The following ADD1 variants were observed in gnomAD, a reference collection of about 807,000 sequenced individuals.
The protein encoded by ADD1 is alpha-adducin.
Under a neutral mutation model 80.5 loss-of-function variants are expected in ADD1, and 24 were observed. The observed-to-expected ratio is 0.30, with a 90% CI of 0.22 to 0.42. ADD1 has a LOEUF of 0.42. ADD1 is among the 10% of genes least tolerant of loss of function. The pLI is 1.00. For missense variants in ADD1, 948 were observed against 1,019.0 expected (o/e 0.93, Z 0.95); for synonymous variants, 373 against 393.8 (o/e 0.95, Z 0.63).
Position 2,882,049 on chromosome 4 carries a change from C to T in ADD1, c.347C>T (p.Ala116Val), listed in dbSNP as rs750522808. The change falls in exon 3 of 16, where the codon GCC becomes GTC. Residue 116 changes from alanine to valine, a missense_variant. By Grantham distance (64) the Ala-to-Val change is moderately conservative. Coordinates refer to ENST00000683351, the MANE Select transcript of ADD1 (RefSeq NM_001354761.2). ...YPAAPQGGMA[A>V]LNMSLGMVTP... Reference sequence around the variant, plus strand: ...GCAGCTCCGCAAGGAGGGATGGCTGCCTTAAACATGAGTGAGTAGTTCCTG... The same window carrying T: ...GCAGCTCCGCAAGGAGGGATGGCTGTCTTAAACATGAGTGAGTAGTTCCTG... 17 of 1,603,352 alleles carry T rather than the reference C, an allele frequency of 1.1e-5. No individual in the cohort carries two copies. Among genetic ancestry groups the T allele is most frequent in the Admixed American group, 1.8e-5 (1 of 56,784 alleles).
chr4:2,925,942 G>A (rs1427406100), intron 14 of ADD1, 72 bp from the exon 15 acceptor site: 4 of 1,390,928 alleles, frequency 2.9e-6, no homozygotes, highest in Non-Finnish European at 4.0e-6. Flanking sequence ...TGCCCCATCT[G>A]CCATGGAGGC....
chr4:2,857,424 A>G (rs745494737), intron 1 of ADD1, among the ~76,000 whole-genome samples: 2 of 152,120 alleles, frequency 1.3e-5, no homozygotes, highest in Non-Finnish European at 2.9e-5. Context: ...CAGTGTGGGT[A>G]AATCGAAACC....
chr4:2,883,526 G>C (rs1269096970), intron 3 of ADD1, among the ~76,000 whole-genome samples: 1 of 151,680 alleles, frequency 6.6e-6, no homozygotes, highest in Admixed American at 6.6e-5. Context: ...TTGTTTGTTT[G>C]TTTGTTTTGT....
At position 2,899,372 on chromosome 4, in the gene ADD1, G is replaced by A. The variant is rs372679891; in HGVS notation, c.1098G>A (p.Ser366=). Residue 366 remains serine (S), a synonymous_variant, in exon 9 of 16, where the codon TCG becomes TCA. Transcript: ENST00000683351. ...PGSPVGEGTG[S]PPKWQIGEQE... is the part of the protein sequence containing the mutation. ...CTCCGGTAGGGGAAGGCACTGGATCGCCTCCCAAGTGGCAGATTGGTGAGC... is the reference window on the plus strand; with the variant it reads ...CTCCGGTAGGGGAAGGCACTGGATCACCTCCCAAGTGGCAGATTGGTGAGC... 3.3e-5 allele frequency: 54 copies of A among 1,614,124 alleles called. No individual in the cohort carries two copies. Among genetic ancestry groups the A allele is most frequent in the Non-Finnish European group, 4.0e-5 (47 of 1,180,054 alleles).
At chr4:2,908,071 G>T (rs550651277) in intron 11 of ADD1, among the ~76,000 whole-genome samples, 1 of 152,168 alleles carries the variant, frequency 6.6e-6, no homozygotes, top group Non-Finnish European at 1.5e-5. Context: ...GTTTGCTCAC[G>T]ATGTTTGCTC....
At chr4:2,862,901 C>G (rs1037005384) in intron 1 of ADD1, among the ~76,000 whole-genome samples, 2 of 152,190 alleles carry the variant, frequency 1.3e-5, no homozygotes, top group African/African-American at 4.8e-5. Context: ...TATTTGGTGA[C>G]TGAGTGCTGA....
intron 1 of ADD1, among the ~76,000 whole-genome samples, chr4:2,856,735 C>T (rs575457950): frequency 1.1e-4 from 17 of 149,784 alleles, no homozygotes; most frequent in African/African-American, 3.2e-4. Context: ...GGACTACAGG[C>T]GTGCACCACC....
At chr4:2,873,149 C>T (rs183690690) in intron 1 of ADD1, among the ~76,000 whole-genome samples, 9 of 152,224 alleles carry the variant, frequency 5.9e-5, no homozygotes, top group Non-Finnish European at 1.0e-4. Flanking sequence ...CGTGCCCCCA[C>T]GCCCCGCTAA....
rs116683939 is a variant in ADD1, at chr4:2,877,816, A to C, written c.195+1706A>C. On this transcript the variant is annotated intron_variant, in intron 2 of 15. Coordinates refer to ENST00000683351, the MANE Select transcript of ADD1 (RefSeq NM_001354761.2). ...CCTGGGGAATCCGCATCTCTACCAA[A>C]AATATAAAAATTAGCTAGGTGTGGT... is the stretch of plus-strand genomic sequence containing the variant. Among the ~76,000 whole-genome samples the C allele has an allele frequency of 9.1e-3, 1,386 of 152,218 alleles. 21 individuals are homozygous for C. The highest frequency in any genetic ancestry group is 0.031 in the African/African-American group (1,304 of 41,532).
intron 10 of ADD1, among the ~76,000 whole-genome samples, chr4:2,906,181 C>T (rs753806680): frequency 9.2e-5 from 14 of 152,136 alleles, no homozygotes; most frequent in Non-Finnish European, 1.5e-4. Context: ...GTTTTCCTGA[C>T]GCAGTTGGTG....
intron 1 of ADD1, among the ~76,000 whole-genome samples, chr4:2,870,499 C>G (rs977011551): frequency 3.3e-5 from 5 of 151,528 alleles, no homozygotes; most frequent in African/African-American, 1.2e-4. Context: ...ACAGAGAGTG[C>G]TGTTCAGTCA....
At position 2,928,338 on chromosome 4, in the gene ADD1, G is replaced by A; in HGVS notation, c.2215G>A (p.Ala739Thr). 1.2e-6 allele frequency: 2 copies of A among 1,613,796 alleles called. No homozygotes were observed. Among genetic ancestry groups the A allele is most frequent in the Non-Finnish European group, 1.7e-6 (2 of 1,179,938 alleles). ...PPSPTEAPTE[A>T]SPEPAPDPAP... ...AAGCCCCACTGAGGCCCCTACTGAG[G>A]CCAGCCCCGAGCCAGCCCCAGACCC... Residue 739 changes from alanine (A) to threonine (T), a missense_variant, in exon 16 of 16, where the codon GCC becomes ACC. Transcript: ENST00000683351.
chr4:2,880,492 T>TTTTTTTC (rs1732105077), intron 2 of ADD1, among the ~76,000 whole-genome samples: 1 of 133,000 alleles, frequency 7.5e-6, no homozygotes, highest in South Asian at 2.4e-4. Flanking sequence ...TTTTTTTTTT[T>TTTTTTTC]TGAGACGGAG....
Position 2,909,393 on chromosome 4 carries a change from C to T in ADD1, c.1753C>T (p.Gln585Ter), listed in dbSNP as rs1234888641. Residue 585 changes from glutamine (Q) to a stop codon, truncating the protein, a stop_gained, in exon 13 of 16, where the codon CAG (glutamine) becomes TAG (stop). Coordinates refer to ENST00000683351, the MANE Select transcript of ADD1 (RefSeq NM_001354761.2). LOFTEE classifies it high-confidence loss of function. ...TATCGAAGGGCTCGAGCTTACAGAG[C>T]AGACCTTTAGTCCCGCTAAATCTCT... ...ETIEGLELTE[Q>*]TFSPAKSLSF... The T allele has an allele frequency of 6.4e-7, 1 of 1,550,434 alleles. No homozygotes were observed. The highest frequency in any genetic ancestry group is 2.0e-5 in the Admixed American group (1 of 50,986).
intron 2 of ADD1, chr4:2,881,602 A>C (rs887437823): frequency 4.3e-6 from 1 of 235,064 alleles, no homozygotes; most frequent in Non-Finnish European, 8.1e-6. Flanking sequence ...TTTTATCAAT[A>C]ATACTGGAAT....
Position 2,880,303 on chromosome 4 carries a change from A to T in ADD1, c.196-1595A>T, listed in dbSNP as rs188413285. On this transcript the variant is annotated intron_variant, in intron 2 of 15. Transcript: ENST00000683351. ...GTCTGTTGTGTGCTTCCCCCAAGTG[A>T]TAGGTACTCTTAGACTGTCCCTTGG... Among the ~76,000 whole-genome samples the T allele has an allele frequency of 3.3e-5, 5 of 152,086 alleles. No homozygotes were observed. The East Asian group carries it at 9.7e-4, about 29-fold the overall frequency.
At chr4:2,902,464 C>T (rs1736346080) in intron 9 of ADD1, 1 of 152,224 alleles carries the variant, frequency 6.6e-6, no homozygotes, top group Non-Finnish European at 1.5e-5. Context: ...GTAGGCCGGT[C>T]ACGATGGCTG....
At chr4:2,897,202 C>A (rs1227729162) in intron 6 of ADD1, among the ~76,000 whole-genome samples, 2 of 151,970 alleles carry the variant, frequency 1.3e-5, no homozygotes, top group Admixed American at 6.6e-5. Flanking sequence ...GTTTTTGAAT[C>A]TTTGAAGCCT....
At position 2,926,558 on chromosome 4, in the gene ADD1, C is replaced by T. The variant is rs1711675952; in HGVS notation, c.2047+446C>T. The T allele has an allele frequency of 6.6e-7, 1 of 1,517,862 alleles. No homozygotes were observed. The highest frequency in any genetic ancestry group is 1.4e-5 in the African/African-American group (1 of 72,776). The allele number at this position is 1,517,862 out of a possible 1,614,324, so 94.0% of individuals were successfully genotyped here. On this transcript the variant is annotated intron_variant, in intron 15 of 15. Coordinates refer to ENST00000683351, the MANE Select transcript of ADD1 (RefSeq NM_001354761.2). The surrounding 1 kb of genome is among the most constrained non-coding windows in gnomAD (Gnocchi z 5.0). ...TCGTGAAGCCCGTGGCCCTGCCTTTCTTCTTCTGTAACCTGATGGCTGTGA... is the reference window on the plus strand; with the variant it reads ...TCGTGAAGCCCGTGGCCCTGCCTTTTTTCTTCTGTAACCTGATGGCTGTGA...
Sources: gnomAD v4.1 joint callset for allele counts (sites outside exome capture counted in the v4.1 genomes callset) on GRCh38, gnomAD v4.1.1 for gene constraint, Gnocchi (gnomAD v3.1) non-coding constraint, MANE v1.5 for transcripts, NCBI Gene and HGNC (gene_info 2026-07-23, HGNC 2026-07-21) for gene names.